Variants in MARCHF11 observed in about 807,000 individuals in gnomAD.
The protein encoded by MARCHF11 is E3 ubiquitin-protein ligase MARCHF11.
Under a neutral mutation model 37.3 loss-of-function variants are expected in MARCHF11, and 29 were observed. The ratio of observed to expected loss-of-function variants is 0.78; its 90% CI spans 0.58 to 1.06. MARCHF11 has a LOEUF of 1.06. Among genes scored for constraint, MARCHF11 ranks in the 50% least tolerant of loss-of-function variants. MARCHF11 has a pLI of 0.00. For missense variants in MARCHF11, 482 were observed against 533.4 expected (o/e 0.90, Z 0.95); for synonymous variants, 233 against 228.0 (o/e 1.02, Z -0.20).
At chr5:16,133,870 C>T (rs1032029353) in intron 2 of MARCHF11, among the ~76,000 whole-genome samples, 1 of 152,018 alleles carries the variant, frequency 6.6e-6, no homozygotes, top group Non-Finnish European at 1.5e-5. Context: ...TTCAAAGCTG[C>T]TCTGGGCTGC....
At chr5:16,105,471 A>G (rs1383388821) in intron 2 of MARCHF11, among the ~76,000 whole-genome samples, 4 of 152,232 alleles carry the variant, frequency 2.6e-5, no homozygotes, top group African/African-American at 9.6e-5. Context: ...GCTTTTCCTC[A>G]CTAAAGAGAT....
chr5:16,067,439 G>A lies in MARCHF11; in HGVS notation c.*32C>T, dbSNP rs548501194. 3.2e-6 allele frequency: 5 copies of A among 1,576,782 alleles called. No homozygotes were observed. The highest frequency in any genetic ancestry group is 1.3e-5 in the African/African-American group (1 of 74,304). On this transcript the variant is annotated 3_prime_UTR_variant, in exon 4 of 4. Coordinates refer to ENST00000332432, the MANE Select transcript of MARCHF11 (RefSeq NM_001102562.3). Reference sequence around the variant, plus strand: ...TGCAATTACATTGCAAAATGTGCAGGGTGGTCCACACTGCATCATCTTATG... The same window carrying A: ...TGCAATTACATTGCAAAATGTGCAGAGTGGTCCACACTGCATCATCTTATG...
chr5:16,086,424 T>G (rs532571537), intron 3 of MARCHF11, among the ~76,000 whole-genome samples: 2 of 152,204 alleles, frequency 1.3e-5, no homozygotes, highest in Non-Finnish European at 2.9e-5. Context: ...GTTTGTATAT[T>G]ATGTGGACAA....
At chr5:16,104,339 T>C (rs1256156516) in intron 2 of MARCHF11, among the ~76,000 whole-genome samples, 1 of 152,172 alleles carries the variant, frequency 6.6e-6, no homozygotes, top group Non-Finnish European at 1.5e-5. Context: ...AAAAAGCCCT[T>C]AAAACAATGA....
chr5:16,140,198 T>G (rs1045727486), intron 2 of MARCHF11, among the ~76,000 whole-genome samples: 1 of 151,948 alleles, frequency 6.6e-6, no homozygotes, highest in East Asian at 1.9e-4. Context: ...CTACTTATAC[T>G]AGTAAATAAG....
intron 2 of MARCHF11, among the ~76,000 whole-genome samples, chr5:16,119,979 C>T (rs576266753): frequency 1.3e-5 from 2 of 152,334 alleles, no homozygotes; most frequent in East Asian, 3.9e-4. Flanking sequence ...GCTTACTTAA[C>T]TCAAGGACAC....
intron 2 of MARCHF11, among the ~76,000 whole-genome samples, chr5:16,127,859 G>A (rs1737440876): frequency 6.6e-6 from 1 of 152,158 alleles, no homozygotes; most frequent in Non-Finnish European, 1.5e-5. Context: ...GTTGAACGGG[G>A]TCAATGGAGA....
At chr5:16,076,021 A>G (rs1736510027) in intron 3 of MARCHF11, among the ~76,000 whole-genome samples, 2 of 152,228 alleles carry the variant, frequency 1.3e-5, no homozygotes, top group South Asian at 4.1e-4. Context: ...CCAGGCCTAA[A>G]ACCTAGGAGA....
intron 2 of MARCHF11, among the ~76,000 whole-genome samples, chr5:16,133,078 T>C (rs1428592105): frequency 1.3e-5 from 2 of 152,206 alleles, no homozygotes; most frequent in Admixed American, 1.3e-4. Context: ...AAAATGATTT[T>C]TTTTTAAGTT....
intron 2 of MARCHF11, among the ~76,000 whole-genome samples, chr5:16,172,741 A>G (rs1462243596): frequency 2.0e-5 from 3 of 152,174 alleles, no homozygotes; most frequent in Non-Finnish European, 4.4e-5. Flanking sequence ...GAAGGTGGAA[A>G]TGCCCCTTTC....
At chr5:16,123,339 C>A (rs997554306) in intron 2 of MARCHF11, among the ~76,000 whole-genome samples, 3 of 152,086 alleles carry the variant, frequency 2.0e-5, no homozygotes, top group African/African-American at 7.2e-5. Flanking sequence ...AGAGGGAAGA[C>A]CTCGTGAAAA....
intron 2 of MARCHF11, among the ~76,000 whole-genome samples, chr5:16,130,007 T>A (rs547162398): frequency 6.6e-6 from 1 of 152,294 alleles, no homozygotes; most frequent in Admixed American, 6.5e-5. Flanking sequence ...TTTTTAACAT[T>A]TCAAGATAAC....
intron 3 of MARCHF11, among the ~76,000 whole-genome samples, chr5:16,085,939 C>CAAAAAAAAAAAAAAAAAAAAAAAAAAAAA (rs56782867): frequency 7.3e-5 from 3 of 40,952 alleles, no homozygotes; most frequent in Non-Finnish European, 9.3e-5. Flanking sequence ...GACTCCATCT[C>CAAAAAAAAAAAAAAAAAAAAAAAAAAAAA]AAAAAAAAAA....
chr5:16,077,975 T>C (rs1304017184), intron 3 of MARCHF11, among the ~76,000 whole-genome samples: 2 of 152,258 alleles, frequency 1.3e-5, no homozygotes. Flanking sequence ...AATCAGTTCA[T>C]CTATTATTTA....
chr5:16,114,069 T>C (rs1245404849), intron 2 of MARCHF11, among the ~76,000 whole-genome samples: 1 of 151,654 alleles, frequency 6.6e-6, no homozygotes, highest in Non-Finnish European at 1.5e-5. Context: ...CCTGGCTTAT[T>C]TCAGTTAAAA....
intron 3 of MARCHF11, among the ~76,000 whole-genome samples, chr5:16,074,731 G>A (rs954563955): frequency 4.6e-5 from 7 of 152,136 alleles, no homozygotes; most frequent in African/African-American, 1.7e-4. Flanking sequence ...AACTTACCGT[G>A]ACAATAAAAC....
chr5:16,090,796 C>T (rs1325844051), intron 3 of MARCHF11, 93 bp downstream of exon 3: 4 of 1,027,636 alleles, frequency 3.9e-6, no homozygotes, highest in Non-Finnish European at 5.2e-6. Context: ...AGTCAATCCA[C>T]AACATTCTCT....
intron 3 of MARCHF11, among the ~76,000 whole-genome samples, chr5:16,089,448 T>C (rs1736755154): frequency 6.6e-6 from 1 of 152,196 alleles, no homozygotes; most frequent in Non-Finnish European, 1.5e-5. Context: ...AAACTGTTCA[T>C]ATACATGATT....
At chr5:16,080,521 C>T (rs1736588976) in intron 3 of MARCHF11, among the ~76,000 whole-genome samples, 3 of 152,144 alleles carry the variant, frequency 2.0e-5, no homozygotes, top group Non-Finnish European at 2.9e-5. Flanking sequence ...CTTGGATTCC[C>T]CAGAAACTCT....
Sources: allele counts gnomAD v4.1 joint callset (sites outside exome capture counted in the v4.1 genomes callset), GRCh38; gene constraint gnomAD v4.1.1; transcripts MANE v1.5; gene names NCBI Gene and HGNC (gene_info 2026-07-23, HGNC 2026-07-21).